Variants in TLE1 observed in about 807,000 individuals in gnomAD.
The protein encoded by TLE1 is transducin-like enhancer protein 1.
Under a neutral mutation model 89.8 loss-of-function variants are expected in TLE1, and 21 were observed. That is an observed-to-expected ratio of 0.23 (90% CI 0.17 to 0.34). TLE1 has a LOEUF of 0.34. TLE1 is among the 10% of genes least tolerant of loss of function. The pLI is 1.00. For missense variants in TLE1, 795 were observed against 1,031.2 expected, an observed-to-expected ratio of 0.77 and a Z score of 3.14; for synonymous variants, 447 against 407.6, an observed-to-expected ratio of 1.10 and a Z score of -1.16.
At chr9:81,602,346 G>A (rs771485694) in intron 14 of TLE1, among the ~76,000 whole-genome samples, 7 of 152,162 alleles carry the variant, frequency 4.6e-5, no homozygotes, top group Non-Finnish European at 1.0e-4. Context: ...AATGCTTCAG[G>A]ACCAGAAGTG....
chr9:81,599,297 A>G (rs1489872223), intron 14 of TLE1, among the ~76,000 whole-genome samples: 2 of 152,156 alleles, frequency 1.3e-5, no homozygotes, highest in Non-Finnish European at 2.9e-5. Flanking sequence ...CCCAGCTGCA[A>G]AAGTGGAGCT....
chr9:81,588,566 A>T (rs1442464051), intron 16 of TLE1, among the ~76,000 whole-genome samples: 1 of 152,150 alleles, frequency 6.6e-6, no homozygotes, highest in Non-Finnish European at 1.5e-5. Context: ...TTCTTTAAAG[A>T]ACCTTGTGCT....
rs779634427 is a variant in TLE1 at position 81,634,259 on chromosome 9, G to T, written c.415C>A (p.Pro139Thr). 2.6e-6 allele frequency: 4 copies of T among 1,561,980 alleles called. No individual in the cohort carries two copies. The South Asian group carries it at 4.7e-5, about 19-fold the overall frequency. Residue 139 changes from proline to threonine, a missense_variant, in exon 7 of 20, where the codon CCC (proline) becomes ACC (threonine). Around this residue, in one of 4 missense-constraint regions of TLE1, gnomAD observed 468 missense variants for 509.1 expected, o/e 0.92. Transcript: ENST00000376499. ...GGGTGAGGCGTAAGGGGAACTGGGG[G>T]TCCGTGGCCATGAGAAAGATGCTGA... ...QAQHLSHGHG[P>T]PVPLTPHPSG...
At chr9:81,631,771 A>T (rs1826644421) in intron 8 of TLE1, among the ~76,000 whole-genome samples, 1 of 152,224 alleles carries the variant, frequency 6.6e-6, no homozygotes, top group Admixed American at 6.5e-5. Flanking sequence ...ATCCAGGGTT[A>T]GGTTTTTAAA....
At chr9:81,601,453 T>C (rs149283987) in intron 14 of TLE1, among the ~76,000 whole-genome samples, 90 of 152,248 alleles carry the variant, frequency 5.9e-4, no homozygotes, top group African/African-American at 2.1e-3. Context: ...CATTAAAACA[T>C]AGGGTGAAAG....
chr9:81,664,661 G>A (rs1052904436), intron 4 of TLE1, among the ~76,000 whole-genome samples: 1 of 151,858 alleles, frequency 6.6e-6, no homozygotes, highest in African/African-American at 2.4e-5. Flanking sequence ...CCAGGAGTTT[G>A]AAACCAGCCT....
chr9:81,654,868 A>C (rs967318990), intron 4 of TLE1, among the ~76,000 whole-genome samples: 11 of 152,168 alleles, frequency 7.2e-5, no homozygotes, highest in African/African-American at 2.7e-4. Context: ...AGCTTCCCTA[A>C]GTCTCAAACT....
intron 14 of TLE1, among the ~76,000 whole-genome samples, chr9:81,605,110 T>C (rs1831459562): frequency 6.6e-6 from 1 of 152,194 alleles, no homozygotes; most frequent in African/African-American, 2.4e-5. Flanking sequence ...AACTGTGCCT[T>C]CCGTCTGCCT....
intron 4 of TLE1, among the ~76,000 whole-genome samples, chr9:81,661,762 C>A (rs1163696607): frequency 2.6e-5 from 4 of 152,008 alleles, no homozygotes; most frequent in African/African-American, 9.7e-5. Context: ...TAAATCCCCC[C>A]CCCAAAAAAA....
chr9:81,657,256 C>T (rs1299140021), intron 4 of TLE1, among the ~76,000 whole-genome samples: 1 of 152,130 alleles, frequency 6.6e-6, no homozygotes, highest in Admixed American at 6.5e-5. Flanking sequence ...GTCTTTCAAC[C>T]TTGCTTAATA....
chr9:81,610,274 T>G lies in TLE1; in HGVS notation c.1277A>C (p.His426Pro). ...TGGAGGAATGGTAGGTACTCTCATG[T>G]GAGGGGGAGGATCAAACCCCACCTG... ...SPMVGFDPPP[H>P]MRVPTIPPNL... Residue 426 changes from histidine (H) to proline (P), a missense_variant, in exon 14 of 20, where the codon CAC becomes CCC. Physicochemically the swap from His to Pro is moderately conservative, Grantham distance 77 (BLOSUM62 -2). Transcript: ENST00000376499. 1.9e-6 allele frequency: 3 copies of G among 1,613,998 alleles called. No individual in the cohort carries two copies. The highest frequency in any genetic ancestry group is 2.5e-6 in the Non-Finnish European group (3 of 1,180,008).
Position 81,688,286 on chromosome 9 carries a change from C to T in TLE1, c.-46G>A, listed in dbSNP as rs780026053. 9.8e-6 allele frequency: 15 copies of T among 1,528,660 alleles called. No individual in the cohort carries two copies. Among genetic ancestry groups the T allele is most frequent in the African/African-American group, 2.9e-5 (2 of 68,936 alleles). 94.7% of individuals were successfully genotyped at this position (1,528,660 alleles called of 1,614,324 possible). On this transcript the variant is annotated 5_prime_UTR_variant, in exon 1 of 20. Transcript: ENST00000376499. ...CTCTGTTCCCCGGCAACTCAATTCT[C>T]CGGTCAATTTCCAACTTTAATCCCG...
At chr9:81,595,725 A>G (rs1830100023) in intron 14 of TLE1, among the ~76,000 whole-genome samples, 1 of 151,700 alleles carries the variant, frequency 6.6e-6, no homozygotes, top group Admixed American at 6.6e-5. Flanking sequence ...AGGCTGAGGC[A>G]GGAGAATGGC....
At chr9:81,615,098 A>G (rs1483099329) in intron 11 of TLE1, among the ~76,000 whole-genome samples, 1 of 114,006 alleles carries the variant, frequency 8.8e-6, no homozygotes, top group African/African-American at 3.2e-5. Context: ...AAAAAAAAAA[A>G]AAAAAAAAAA....
intron 17 of TLE1, among the ~76,000 whole-genome samples, chr9:81,586,229 G>A (rs1828425990): frequency 6.6e-6 from 1 of 152,136 alleles, no homozygotes; most frequent in South Asian, 2.1e-4. Context: ...GTGCCAGCCA[G>A]GATGGTCTCG....
chr9:81,635,976 T>C (rs940229232), intron 6 of TLE1, among the ~76,000 whole-genome samples: 1 of 152,076 alleles, frequency 6.6e-6, no homozygotes, highest in Non-Finnish European at 1.5e-5. Flanking sequence ...CTGGGCAACA[T>C]AGGGAGATTC....
chr9:81,684,045 G>C (rs941832075), intron 4 of TLE1, among the ~76,000 whole-genome samples: 1 of 151,688 alleles, frequency 6.6e-6, no homozygotes, highest in Admixed American at 6.6e-5. Context: ...GAGTCAATGA[G>C]GTTATTAAAT....
In TLE1 at chr9:81,590,945, G is replaced by A. The variant is rs8782; in HGVS notation, c.1689C>T (p.Thr563=). 502,152 of 1,614,102 alleles carry A rather than the reference G, an allele frequency of 0.31. 83,193 individuals are homozygous for A. The highest frequency in any genetic ancestry group is 0.42 in the Middle Eastern group (2,551 of 6,060). The change falls in exon 16 of 20, where the codon ACC becomes ACT. Residue 563 remains threonine (T), a synonymous_variant. Transcript: ENST00000376499. Reference sequence around the variant, plus strand: ...ACGTCAGCTCCGCCTTGATGCGCGGGGTTGGAGCCGCCAGGTCCCAAATGG... The same window carrying A: ...ACGTCAGCTCCGCCTTGATGCGCGGAGTTGGAGCCGCCAGGTCCCAAATGG... ...TLSIWDLAAP[T]PRIKAELTSS...
intron 8 of TLE1, among the ~76,000 whole-genome samples, chr9:81,625,307 C>T: frequency 6.6e-6 from 1 of 152,118 alleles, no homozygotes; most frequent in East Asian, 1.9e-4. Flanking sequence ...AATAGGATGA[C>T]AGAACAGAAT....
Sources: gnomAD v4.1 joint callset for allele counts (sites outside exome capture counted in the v4.1 genomes callset) on GRCh38, gnomAD v4.1.1 for gene constraint, gnomAD v4.1.1 regional missense constraint, MANE v1.5 for transcripts, NCBI Gene and HGNC (gene_info 2026-07-23, HGNC 2026-07-21) for gene names.